Variants in EPHA3 observed in about 807,000 individuals in gnomAD.
EPHA3 encodes the protein EPH receptor A3.
Under a neutral mutation model 107.1 loss-of-function variants are expected in EPHA3, and 42 were observed. The ratio of observed to expected loss-of-function variants is 0.39; its 90% CI spans 0.31 to 0.51. EPHA3 has a LOEUF of 0.51. Ranked by LOEUF, EPHA3 falls within the 20% of genes least tolerant of loss-of-function variation. The pLI is 0.78. For missense variants in EPHA3, 1,183 were observed against 1,211.2 expected (o/e 0.98, Z 0.35); for synonymous variants, 461 against 424.8 (o/e 1.09, Z -1.05).
intron 4 of EPHA3, 34 bp from the exon 5 acceptor site, chr3:89,341,721 G>A: frequency 6.6e-7 from 1 of 1,510,652 alleles, no homozygotes; most frequent in Non-Finnish European, 9.0e-7. Context: ...AAACAGAAGT[G>A]AGGCTCATTA....
rs1026649125 is a variant in EPHA3 at position 89,481,784 on chromosome 3, C to T, written c.*2282C>T. 1 of 231,916 alleles carries T rather than the reference C, an allele frequency of 4.3e-6. No individual in the cohort carries two copies. Among genetic ancestry groups the T allele is most frequent in the African/African-American group, 2.2e-5 (1 of 45,244 alleles). 14.4% of individuals were successfully genotyped at this position (231,916 alleles called of 1,614,324 possible). The stretch of plus-strand genomic sequence containing the variant: ...ACCATGGAGTAGAGGTACTAGAATG[C>T]TTACGGCCATCTCTTTGTACAGGAA... On this transcript the variant is annotated 3_prime_UTR_variant, in exon 17 of 17. Coordinates refer to ENST00000336596, the MANE Select transcript of EPHA3 (RefSeq NM_005233.6).
At chr3:89,123,508 C>T (rs1250720906) in intron 1 of EPHA3, among the ~76,000 whole-genome samples, 1 of 152,176 alleles carries the variant, frequency 6.6e-6, no homozygotes, top group Non-Finnish European at 1.5e-5. Context: ...AACCACCATT[C>T]CTTCTTTCCA....
At chr3:89,404,381 A>C (rs193066045) in intron 7 of EPHA3, among the ~76,000 whole-genome samples, 12 of 152,312 alleles carry the variant, frequency 7.9e-5, no homozygotes, top group Non-Finnish European at 1.2e-4. Context: ...TTTAATTCTC[A>C]AACAACAAAA....
At chr3:89,299,053 A>T (rs1445753226) in intron 3 of EPHA3, among the ~76,000 whole-genome samples, 1 of 152,122 alleles carries the variant, frequency 6.6e-6, no homozygotes, top group Non-Finnish European at 1.5e-5. Flanking sequence ...ATGTCAGAGG[A>T]CAATAAAGGA....
chr3:89,334,208 T>G (rs1707348978), intron 3 of EPHA3, among the ~76,000 whole-genome samples: 1 of 152,184 alleles, frequency 6.6e-6, no homozygotes, highest in East Asian at 1.9e-4. Context: ...TGTATATCAT[T>G]CAGTCCATTT....
intron 16 of EPHA3, among the ~76,000 whole-genome samples, chr3:89,477,099 T>A (rs536334394): frequency 6.6e-6 from 1 of 152,208 alleles, no homozygotes; most frequent in South Asian, 2.1e-4. Context: ...AGTGGAGAAA[T>A]GTTTATTCTT....
chr3:89,476,801 G>A (rs1459220866), intron 16 of EPHA3, among the ~76,000 whole-genome samples: 2 of 151,430 alleles, frequency 1.3e-5, no homozygotes, highest in Non-Finnish European at 2.9e-5. Flanking sequence ...ATAGAGACGG[G>A]GTATCACCGC....
chr3:89,207,271 G>T (rs1441952241), intron 2 of EPHA3, among the ~76,000 whole-genome samples: 1 of 152,018 alleles, frequency 6.6e-6, no homozygotes, highest in Non-Finnish European at 1.5e-5. Context: ...TGATTAGAAG[G>T]TGTGAATTAA....
chr3:89,220,606 G>C (rs1704349664), intron 3 of EPHA3, among the ~76,000 whole-genome samples: 1 of 152,140 alleles, frequency 6.6e-6, no homozygotes, highest in Non-Finnish European at 1.5e-5. Context: ...TGGAGGTTGA[G>C]GGTGTTTCCG....
At chr3:89,455,765 C>T (rs1710084983) in intron 15 of EPHA3, among the ~76,000 whole-genome samples, 1 of 152,196 alleles carries the variant, frequency 6.6e-6, no homozygotes, top group Non-Finnish European at 1.5e-5. Flanking sequence ...ACCTTTCTTC[C>T]TTAAGGAAGC....
intron 2 of EPHA3, among the ~76,000 whole-genome samples, chr3:89,200,772 T>A (rs1257638784): frequency 2.6e-5 from 4 of 152,188 alleles, no homozygotes; most frequent in Admixed American, 2.6e-4. Context: ...CATGGCTGCA[T>A]GAGTTTTCCC....
At chr3:89,148,817 G>A (rs550580409) in intron 2 of EPHA3, among the ~76,000 whole-genome samples, 10 of 152,088 alleles carry the variant, frequency 6.6e-5, no homozygotes, top group African/African-American at 2.4e-4. Flanking sequence ...ATGTCAACTT[G>A]CACCATCTTC....
chr3:89,283,769 C>T (rs1399681971), intron 3 of EPHA3, among the ~76,000 whole-genome samples: 2 of 152,116 alleles, frequency 1.3e-5, no homozygotes, highest in African/African-American at 2.4e-5. Flanking sequence ...GAGGTGCTCA[C>T]TTTGCTGTTT....
intron 11 of EPHA3, among the ~76,000 whole-genome samples, chr3:89,422,192 AACACACACACACACAC>A (rs56370135): frequency 1.6e-4 from 22 of 140,574 alleles, no homozygotes; most frequent in East Asian, 1.1e-3. Flanking sequence ...TGTTGTATTT[AACACACACACACACAC>A]ACACACACAC....
intron 2 of EPHA3, among the ~76,000 whole-genome samples, chr3:89,139,146 G>A (rs781272866): frequency 5.3e-5 from 8 of 151,858 alleles, no homozygotes; most frequent in Non-Finnish European, 7.4e-5. Flanking sequence ...ACAAGACCAA[G>A]AATCCAGCAA....
At chr3:89,435,442 A>AATAT (rs1553693693) in intron 13 of EPHA3, among the ~76,000 whole-genome samples, 1 of 145,646 alleles carries the variant, frequency 6.9e-6, no homozygotes, top group East Asian at 2.0e-4. Context: ...TCTGTTAAAA[A>AATAT]ATATATATAT....
At chr3:89,280,108 A>G (rs1684916780) in intron 3 of EPHA3, among the ~76,000 whole-genome samples, 1 of 151,986 alleles carries the variant, frequency 6.6e-6, no homozygotes, top group African/African-American at 2.4e-5. Flanking sequence ...ATTACATCAA[A>G]ATAGCTAGCT....
chr3:89,210,609 C>A, intron 3 of EPHA3, 89 bp downstream of exon 3: 1 of 1,384,606 alleles, frequency 7.2e-7, no homozygotes, highest in Non-Finnish European at 9.7e-7. Flanking sequence ...TCAGTCTCAA[C>A]TCACTTGGCA....
chr3:89,298,983 C>T lies in EPHA3; in HGVS notation c.815-41933C>T, dbSNP rs997818691. Among the ~76,000 whole-genome samples the T allele has an allele frequency of 8.6e-5, 13 of 151,944 alleles. 1 individual carries two copies. The highest frequency in any genetic ancestry group is 7.2e-4 in the Admixed American group (11 of 15,248). ...AATATTTTCATAAAGTCCTTTTATG[C>T]AGGTAAATGACATTATATAAAGATG... On this transcript the variant is annotated intron_variant, in intron 3 of 16. Transcript: ENST00000336596.
Sources: allele counts gnomAD v4.1 joint callset (sites outside exome capture counted in the v4.1 genomes callset), GRCh38; gene constraint gnomAD v4.1.1; transcripts MANE v1.5; gene names NCBI Gene and HGNC (gene_info 2026-07-23, HGNC 2026-07-21).